The following NCKAP5 variants were observed in gnomAD, a reference collection of about 807,000 sequenced individuals.
The protein encoded by NCKAP5 is nck-associated protein 5.
Under a neutral mutation model 167.0 loss-of-function variants are expected in NCKAP5, and 92 were observed. That is an observed-to-expected ratio of 0.55 (90% CI 0.47 to 0.66). The LOEUF (loss-of-function observed/expected upper bound fraction) is 0.66, where lower values mean the gene tolerates loss of function less well. NCKAP5 is among the 30% of genes least tolerant of loss of function. The probability of loss-of-function intolerance (pLI) is 0.00; values close to 1 mark genes in which losing one functional copy is unlikely to be tolerated. For missense variants in NCKAP5, 2,378 were observed against 2,315.0 expected (o/e 1.03, Z -0.56); for synonymous variants, 891 against 877.4 (o/e 1.02, Z -0.27).
intron 16 of NCKAP5, among the ~76,000 whole-genome samples, chr2:132,756,924 G>T (rs1680605148): frequency 1.3e-5 from 2 of 152,122 alleles, no homozygotes; most frequent in South Asian, 4.1e-4. Flanking sequence ...GGAGTTACAG[G>T]CAGAGACGGT....
At chr2:132,817,547 T>TA (rs1415514915) in intron 11 of NCKAP5, among the ~76,000 whole-genome samples, 2 of 152,246 alleles carry the variant, frequency 1.3e-5, no homozygotes, top group East Asian at 3.8e-4. Context: ...TATTCTCCCT[T>TA]AAAACTGTGC....
chr2:133,362,049 G>A (rs1265012026), intron 3 of NCKAP5, among the ~76,000 whole-genome samples: 2 of 152,112 alleles, frequency 1.3e-5, no homozygotes, highest in Non-Finnish European at 2.9e-5. Context: ...AGAGTATGCT[G>A]TGGCTTACAA....
chr2:133,067,831 T>C (rs2080249102), intron 6 of NCKAP5, among the ~76,000 whole-genome samples: 1 of 152,172 alleles, frequency 6.6e-6, no homozygotes, highest in South Asian at 2.1e-4. Context: ...GGGAATTTAT[T>C]GCAAGGGATG....
At chr2:133,623,991 C>G in the NCKAP5 span, among the ~76,000 whole-genome samples, 2 of 152,132 alleles carry the variant, frequency 1.3e-5, no homozygotes, top group Non-Finnish European at 2.9e-5. Context: ...GCATTCACAG[C>G]AACCTGCATG....
chr2:133,401,656 G>T (rs922370526), intron 3 of NCKAP5, among the ~76,000 whole-genome samples: 1 of 152,072 alleles, frequency 6.6e-6, no homozygotes, highest in East Asian at 1.9e-4. Flanking sequence ...ATCATAGTTG[G>T]TATCAGAGGT....
intron 7 of NCKAP5, among the ~76,000 whole-genome samples, chr2:132,964,633 T>C (rs1243485978): frequency 6.6e-6 from 1 of 152,154 alleles, no homozygotes; most frequent in Non-Finnish European, 1.5e-5. Context: ...ATTTTGTGCA[T>C]GGAGACTCTT....
At chr2:132,974,187 A>G (rs1249111598) in intron 7 of NCKAP5, among the ~76,000 whole-genome samples, 1 of 152,218 alleles carries the variant, frequency 6.6e-6, no homozygotes. Flanking sequence ...AGGGATATGA[A>G]GAAACATCCA....
chr2:133,523,402 C>T (rs1242266065), intron 2 of NCKAP5, among the ~76,000 whole-genome samples: 1 of 152,028 alleles, frequency 6.6e-6, no homozygotes, highest in Admixed American at 6.6e-5. Context: ...TCTGATTCTG[C>T]CACTTCCCAT....
chr2:133,496,198 A>G (rs1486707044), intron 3 of NCKAP5, among the ~76,000 whole-genome samples: 1 of 152,224 alleles, frequency 6.6e-6, no homozygotes, highest in African/African-American at 2.4e-5. Context: ...TTGCAGAAAA[A>G]GGGAAACCCT....
intron 6 of NCKAP5, among the ~76,000 whole-genome samples, chr2:133,037,557 G>T (rs1283195478): frequency 6.6e-6 from 1 of 152,064 alleles, no homozygotes; most frequent in African/African-American, 2.4e-5. Flanking sequence ...AAAAAACTGT[G>T]TCTTCAATAA....
At chr2:132,992,256 T>C (rs1559028079) in intron 7 of NCKAP5, among the ~76,000 whole-genome samples, 1 of 152,204 alleles carries the variant, frequency 6.6e-6, no homozygotes, top group Non-Finnish European at 1.5e-5. Context: ...ACGAATAGAC[T>C]GGGTTATGGA....
chr2:133,151,926 A>G (rs1406134528), intron 5 of NCKAP5, among the ~76,000 whole-genome samples: 1 of 152,126 alleles, frequency 6.6e-6, no homozygotes, highest in Non-Finnish European at 1.5e-5. Context: ...TAACAGTAAG[A>G]TAAGATCCCA....
At chr2:133,253,567 T>C (rs1033801244) in intron 4 of NCKAP5, among the ~76,000 whole-genome samples, 1 of 152,112 alleles carries the variant, frequency 6.6e-6, no homozygotes, top group Middle Eastern at 3.2e-3. Context: ...CGTTTCATCA[T>C]ATTTATCCCT....
chr2:133,618,636 A>C, the NCKAP5 span, among the ~76,000 whole-genome samples: 1 of 151,992 alleles, frequency 6.6e-6, no homozygotes, highest in African/African-American at 2.4e-5. Context: ...AATGGCGATC[A>C]TTAAAAAGTC....
chr2:133,623,328 G>C, the NCKAP5 span, among the ~76,000 whole-genome samples: 1 of 152,118 alleles, frequency 6.6e-6, no homozygotes, highest in East Asian at 1.9e-4. Context: ...AAAAGCTTCT[G>C]CACAGCAAAA....
intron 3 of NCKAP5, among the ~76,000 whole-genome samples, chr2:133,382,245 AC>A (rs1230319523): frequency 6.6e-6 from 1 of 151,924 alleles, no homozygotes; most frequent in Non-Finnish European, 1.5e-5. Flanking sequence ...CTCTATACCT[AC>A]CCCATTACTA....
chr2:133,038,501 G>T (rs1478723533), intron 6 of NCKAP5, among the ~76,000 whole-genome samples: 1 of 152,092 alleles, frequency 6.6e-6, no homozygotes, highest in African/African-American at 2.4e-5. Flanking sequence ...GGAGGGTGGG[G>T]ATGGTTAACA....
At chr2:133,450,778 C>T (rs1325135519) in intron 3 of NCKAP5, among the ~76,000 whole-genome samples, 5 of 152,140 alleles carry the variant, frequency 3.3e-5, no homozygotes, top group Non-Finnish European at 7.4e-5. Flanking sequence ...CATCAATCTT[C>T]CTTTGGGGAC....
At chr2:133,171,109 C>A (rs961094107) in intron 5 of NCKAP5, among the ~76,000 whole-genome samples, 9 of 152,142 alleles carry the variant, frequency 5.9e-5, no homozygotes, top group African/African-American at 2.2e-4. Context: ...TTAAGCAGGT[C>A]AGTAGAGAGA....
Sources: gnomAD v4.1 joint callset for allele counts (sites outside exome capture counted in the v4.1 genomes callset) on GRCh38, gnomAD v4.1.1 for gene constraint, MANE v1.5 for transcripts, NCBI Gene and HGNC (gene_info 2026-07-23, HGNC 2026-07-21) for gene names.